RBMS3: variants seen among roughly 807,000 people sequenced by gnomAD.
RBMS3 encodes the protein RNA binding motif single stranded interacting protein 3, also known as RNA-binding motif, single-stranded-interacting protein 3.
In RBMS3, 27 loss-of-function variants were observed where a neutral mutation model predicts 66.8. The ratio of observed to expected loss-of-function variants is 0.40; its 90% CI spans 0.30 to 0.56. The LOEUF is 0.56. RBMS3 is among the 20% of genes least tolerant of loss of function. The probability of loss-of-function intolerance (pLI) is 0.40; values close to 1 mark genes in which losing one functional copy is unlikely to be tolerated. For missense variants in RBMS3, 513 were observed against 549.5 expected (o/e 0.93, Z 0.66); for synonymous variants, 188 against 183.0 (o/e 1.03, Z -0.22).
intron 1 of RBMS3, among the ~76,000 whole-genome samples, chr3:29,389,616 T>C (rs1488303058): frequency 6.6e-6 from 1 of 152,184 alleles, no homozygotes; most frequent in Non-Finnish European, 1.5e-5. Flanking sequence ...AATTTTACAT[T>C]GAGTTGGATG....
chr3:29,674,950 A>G (rs1276890574), intron 4 of RBMS3, among the ~76,000 whole-genome samples: 1 of 152,236 alleles, frequency 6.6e-6, no homozygotes, highest in Admixed American at 6.5e-5. Context: ...TGCCAAGGCA[A>G]TCCTAAGCAA....
At chr3:29,509,965 C>T (rs149777926) in intron 3 of RBMS3, among the ~76,000 whole-genome samples, 62 of 152,306 alleles carry the variant, frequency 4.1e-4, no homozygotes, top group African/African-American at 1.4e-3. Flanking sequence ...CTCAGATTCT[C>T]AATTCATGGT....
At chr3:29,569,105 G>T (rs2046846393) in intron 3 of RBMS3, among the ~76,000 whole-genome samples, 1 of 152,148 alleles carries the variant, frequency 6.6e-6, no homozygotes, top group Admixed American at 6.5e-5. Flanking sequence ...GAGCAGCAAA[G>T]TAGAAAACCT....
At chr3:29,621,184 C>CTT in intron 4 of RBMS3, among the ~76,000 whole-genome samples, 1 of 136,770 alleles carries the variant, frequency 7.3e-6, no homozygotes, top group African/African-American at 3.0e-5. Flanking sequence ...CAAATGTCTG[C>CTT]TTCTTTTTTT....
chr3:29,892,839 GTATGTATT>G (rs1216986718), intron 8 of RBMS3, among the ~76,000 whole-genome samples: 66 of 86,758 alleles, frequency 7.6e-4, no homozygotes, highest in Admixed American at 2.4e-3. Flanking sequence ...ATGTATGTAT[GTATGTATT>G]TATTTATTTA....
intron 1 of RBMS3, among the ~76,000 whole-genome samples, chr3:29,407,186 C>G (rs1188999792): frequency 6.6e-6 from 1 of 152,188 alleles, no homozygotes; most frequent in Non-Finnish European, 1.5e-5. Context: ...CACTTGCTCA[C>G]TGCCAGGGAC....
At chr3:29,582,149 TATAGATAGATAG>T (rs3836342) in intron 3 of RBMS3, among the ~76,000 whole-genome samples, 1,496 of 144,770 alleles carry the variant, frequency 0.01, 21 homozygotes, top group African/African-American at 0.033. Context: ...AGAATTCCAT[TATAGATAGATAG>T]ATAGATAGAT....
chr3:29,819,896 T>C (rs2058026842), intron 6 of RBMS3, among the ~76,000 whole-genome samples: 2 of 152,234 alleles, frequency 1.3e-5, no homozygotes, highest in African/African-American at 4.8e-5. Flanking sequence ...CTACTCCTTA[T>C]ATAAAACATT....
chr3:29,862,744 T>A (rs1027280873), intron 6 of RBMS3, among the ~76,000 whole-genome samples: 8 of 151,356 alleles, frequency 5.3e-5, no homozygotes, highest in Non-Finnish European at 1.5e-5. Flanking sequence ...CTCAGGAGGA[T>A]GAGGCAGGAG....
Position 30,003,980 on chromosome 3 carries a change from TTG to T in RBMS3, c.*120_*121del, listed in dbSNP as rs1699726905. 39 of 928,478 alleles carry T rather than the reference TTG, an allele frequency of 4.2e-5. No individual in the cohort carries two copies. Among genetic ancestry groups the T allele is most frequent in the African/African-American group, 1.4e-4 (8 of 58,606 alleles). The allele number at this position is 928,478 out of a possible 1,614,324, so 57.5% of individuals were successfully genotyped here. A position where few individuals can be genotyped will look rare whatever the true frequency, so the allele number is the denominator to read the frequency against. ...GGAATGCATTTTTTTGTTGTTGTTG[TTG>T]TTTTTTTTTTAGTGTTATACCTTAC... On this transcript the variant is annotated 3_prime_UTR_variant, in exon 15 of 15. Transcript: ENST00000383767.
intron 2 of RBMS3, among the ~76,000 whole-genome samples, chr3:29,447,580 T>G (rs1655769060): frequency 6.6e-6 from 1 of 152,178 alleles, no homozygotes; most frequent in South Asian, 2.1e-4. Flanking sequence ...ATTTCTTGAA[T>G]AGTAAAGATA....
At chr3:29,460,573 A>C (rs1195862773) in intron 2 of RBMS3, among the ~76,000 whole-genome samples, 12 of 152,248 alleles carry the variant, frequency 7.9e-5, no homozygotes, top group Admixed American at 7.8e-4. Context: ...CACTCTGAGC[A>C]CTGTTGCACT....
intron 13 of RBMS3, among the ~76,000 whole-genome samples, chr3:29,990,846 C>T (rs779149282): frequency 5.9e-5 from 9 of 152,090 alleles, no homozygotes; most frequent in Non-Finnish European, 1.0e-4. Context: ...TATTTTCTGA[C>T]CACTTAACTA....
chr3:29,972,106 T>G (rs1697268752), intron 12 of RBMS3, among the ~76,000 whole-genome samples: 1 of 152,102 alleles, frequency 6.6e-6, no homozygotes, highest in South Asian at 2.1e-4. Flanking sequence ...TCAAACTAAC[T>G]ATTCTTCAAT....
intron 6 of RBMS3, among the ~76,000 whole-genome samples, chr3:29,829,169 C>T (rs1245853562): frequency 6.6e-6 from 1 of 151,990 alleles, no homozygotes; most frequent in African/African-American, 2.4e-5. Flanking sequence ...CTTTGCCTCC[C>T]GAGTAGCTGA....
chr3:29,897,636 A>G (rs1473888056), intron 9 of RBMS3, among the ~76,000 whole-genome samples, 161 bp downstream of exon 9: 1 of 151,650 alleles, frequency 6.6e-6, no homozygotes, highest in Non-Finnish European at 1.5e-5. Flanking sequence ...CTATACTTTC[A>G]AGAGCCTGTT....
chr3:29,500,306 G>A (rs1394477649), intron 3 of RBMS3, among the ~76,000 whole-genome samples: 1 of 150,578 alleles, frequency 6.6e-6, no homozygotes, highest in Non-Finnish European at 1.5e-5. Flanking sequence ...TATGACAAGA[G>A]GACAACTTAA....
In RBMS3 at chr3:29,956,204, G is replaced by A. The variant is rs536633734; in HGVS notation, c.1098+11950G>A. ...CTAGTCACAGTTCTTTGTAAGATGTGTTTAATGGTGAGTGCTTGCTTTCTT... is the reference window on the plus strand; with the variant it reads ...CTAGTCACAGTTCTTTGTAAGATGTATTTAATGGTGAGTGCTTGCTTTCTT... On this transcript the variant is annotated intron_variant, in intron 12 of 14. Coordinates refer to ENST00000383767, the MANE Select transcript of RBMS3 (RefSeq NM_001003793.3). Among the ~76,000 whole-genome samples the A allele has an allele frequency of 3.3e-5, 5 of 152,178 alleles. No individual in the cohort carries two copies. The South Asian group carries it at 1.0e-3, about 32-fold the overall frequency.
At chr3:29,786,184 A>G (rs556455048) in intron 6 of RBMS3, among the ~76,000 whole-genome samples, 33 of 152,188 alleles carry the variant, frequency 2.2e-4, no homozygotes, top group Non-Finnish European at 2.8e-4. Context: ...GAAAGAAATC[A>G]TAGACAACAC....
Sources: gnomAD v4.1 joint callset for allele counts (sites outside exome capture counted in the v4.1 genomes callset) on GRCh38, gnomAD v4.1.1 for gene constraint, MANE v1.5 for transcripts, NCBI Gene and HGNC (gene_info 2026-07-23, HGNC 2026-07-21) for gene names.